Variants in CDH4 observed in about 807,000 individuals in gnomAD.
The protein encoded by CDH4 is cadherin 4, also known as cadherin-4.
A neutral mutation model predicts 86.0 loss-of-function variants in CDH4; 33 were observed. The observed-to-expected ratio is 0.38, with a 90% CI of 0.29 to 0.51. The LOEUF (loss-of-function observed/expected upper bound fraction) is 0.51. CDH4 is among the 20% of genes least tolerant of loss of function. The pLI is 0.86. For synonymous variants in CDH4, 555 were observed against 549.4 expected (o/e 1.01, Z -0.14); for missense variants, 1,114 against 1,307.4 (o/e 0.85, Z 2.28).
At chr20:61,644,731 G>A (rs534760112) in intron 2 of CDH4, among the ~76,000 whole-genome samples, 42 of 152,298 alleles carry the variant, frequency 2.8e-4, no homozygotes, top group Admixed American at 2.2e-3. Flanking sequence ...CTGCCCTACC[G>A]TTCCTGGCTT....
At chr20:61,324,034 A>C (rs1257028806) in intron 2 of CDH4, among the ~76,000 whole-genome samples, 1 of 152,168 alleles carries the variant, frequency 6.6e-6, no homozygotes. Flanking sequence ...TTGACACAGC[A>C]GTTATGCCAT....
intron 2 of CDH4, among the ~76,000 whole-genome samples, chr20:61,476,141 T>C (rs902208081): frequency 6.6e-6 from 1 of 152,228 alleles, no homozygotes; most frequent in Non-Finnish European, 1.5e-5. Context: ...ACTAATCAGA[T>C]TGAAAATCAA....
chr20:61,777,728 G>A (rs60360405), intron 4 of CDH4, among the ~76,000 whole-genome samples: 18,356 of 67,946 alleles, frequency 0.27, 1,577 homozygotes, highest in East Asian at 0.42. Flanking sequence ...GCGTGCACAC[G>A]TGCATACAAA....
intron 2 of CDH4, among the ~76,000 whole-genome samples, chr20:61,609,643 C>T (rs150368571): frequency 2.6e-5 from 4 of 152,324 alleles, no homozygotes; most frequent in East Asian, 1.9e-4. Flanking sequence ...CATTCTCTGT[C>T]GGCTGAGCCT....
At chr20:61,644,662 A>G (rs1468740266) in intron 2 of CDH4, among the ~76,000 whole-genome samples, 4 of 152,224 alleles carry the variant, frequency 2.6e-5, no homozygotes, top group African/African-American at 4.8e-5. Flanking sequence ...AACCAGGGCA[A>G]AGCCAGGGCC....
intron 4 of CDH4, among the ~76,000 whole-genome samples, chr20:61,806,549 G>A (rs892676743): frequency 7.2e-6 from 1 of 138,652 alleles, no homozygotes; most frequent in Non-Finnish European, 1.6e-5. Flanking sequence ...ATGTCCACGC[G>A]CACGCACACA....
At chr20:61,633,344 T>G (rs2086914036) in intron 2 of CDH4, among the ~76,000 whole-genome samples, 1 of 151,998 alleles carries the variant, frequency 6.6e-6, no homozygotes, top group Non-Finnish European at 1.5e-5. Context: ...CATCTCTTCA[T>G]TCATTCATCC....
intron 2 of CDH4, among the ~76,000 whole-genome samples, chr20:61,384,118 G>A (rs28586973): frequency 0.25 from 37,401 of 151,878 alleles, 4,995 homozygotes; most frequent in African/African-American, 0.34. Flanking sequence ...GCTGGCAGCT[G>A]ATTAAATGGT....
chr20:61,647,566 TCTCCCTCCCTCCCC>T (rs2087077584), intron 2 of CDH4, among the ~76,000 whole-genome samples: 1 of 64,198 alleles, frequency 1.6e-5, no homozygotes, highest in Non-Finnish European at 3.5e-5. Flanking sequence ...TCCCTCTCCC[TCTCCCTCCCTCCCC>T]CTCTCCTCTC....
intron 2 of CDH4, among the ~76,000 whole-genome samples, chr20:61,454,160 C>G (rs528002172): frequency 2.7e-4 from 41 of 152,366 alleles, no homozygotes; most frequent in African/African-American, 9.6e-4. Context: ...CAGCATGAGT[C>G]TGCCTGTGTG....
chr20:61,817,428 C>T (rs958904667), intron 4 of CDH4, among the ~76,000 whole-genome samples: 8 of 152,232 alleles, frequency 5.3e-5, no homozygotes, highest in African/African-American at 1.9e-4. Context: ...CTTCCCCACC[C>T]CCCAAATGGA....
chr20:61,760,972 T>C (rs530000094), intron 3 of CDH4, among the ~76,000 whole-genome samples: 1 of 152,238 alleles, frequency 6.6e-6, no homozygotes, highest in Non-Finnish European at 1.5e-5. Flanking sequence ...TGTGTGTTTG[T>C]TGAATACCAT....
At chr20:61,550,589 G>A (rs1045396510) in intron 2 of CDH4, among the ~76,000 whole-genome samples, 2 of 145,346 alleles carry the variant, frequency 1.4e-5, no homozygotes, top group Admixed American at 6.8e-5. Flanking sequence ...TCCTTCTCAC[G>A]GGGATGACCT....
intron 2 of CDH4, among the ~76,000 whole-genome samples, chr20:61,265,248 C>G (rs2084151420): frequency 6.7e-6 from 1 of 149,882 alleles, no homozygotes; most frequent in Non-Finnish European, 1.5e-5. Flanking sequence ...TTACACATAC[C>G]CCAGTGGCTC....
chr20:61,258,483 A>T (rs1274203708), intron 2 of CDH4, among the ~76,000 whole-genome samples: 1 of 152,114 alleles, frequency 6.6e-6, no homozygotes, highest in Non-Finnish European at 1.5e-5. Context: ...TCCTTACTGG[A>T]GAACTTACAT....
chr20:61,343,100 C>G (rs1395333017), intron 2 of CDH4, among the ~76,000 whole-genome samples: 1 of 152,166 alleles, frequency 6.6e-6, no homozygotes, highest in African/African-American at 2.4e-5. Context: ...CTGGATGCCT[C>G]ATGGTGTCAT....
rs1568776749 is a variant in CDH4, at chr20:61,274,247, ACAGTTTGGGGGAGTACCATGTG to A, written c.169+19330_169+19351del. ...TGCACAGTTTGGGAGAGTACCATGT[ACAGTTTGGGGGAGTACCATGTG>A]CAGTTTGGGGGAGTACCATATGCAG... is the stretch of plus-strand genomic sequence containing the variant. On this transcript the variant is annotated intron_variant, in intron 2 of 15. Transcript: ENST00000614565. Among the ~76,000 whole-genome samples, 163 of 80,014 alleles carry A rather than the reference ACAGTTTGGGGGAGTACCATGTG, an allele frequency of 2.0e-3. 1 individual carries two copies. The highest frequency in any genetic ancestry group is 7.7e-3 in the African/African-American group (156 of 20,176). 52.5% of individuals were successfully genotyped at this position (80,014 alleles called of 152,430 possible).
chr20:61,590,537 G>T, intron 2 of CDH4, among the ~76,000 whole-genome samples: 2 of 152,278 alleles, frequency 1.3e-5, no homozygotes, highest in Middle Eastern at 3.4e-3. Context: ...ACGTGTCTGC[G>T]TGCTGCAGTC....
intron 2 of CDH4, among the ~76,000 whole-genome samples, chr20:61,658,299 G>C (rs1256440432): frequency 6.6e-6 from 1 of 151,552 alleles, no homozygotes; most frequent in African/African-American, 2.4e-5. Context: ...CCGGATCTCT[G>C]TATTAGAGAG....
Sources: gnomAD v4.1 joint callset for allele counts (sites outside exome capture counted in the v4.1 genomes callset) on GRCh38, gnomAD v4.1.1 for gene constraint, MANE v1.5 for transcripts, NCBI Gene and HGNC (gene_info 2026-07-23, HGNC 2026-07-21) for gene names.